FRMD4A: variants seen among roughly 807,000 people sequenced by gnomAD.
FRMD4A encodes the protein FERM domain containing 4A, also known as FERM domain-containing protein 4A.
Under a neutral mutation model 129.1 loss-of-function variants are expected in FRMD4A, and 29 were observed. The ratio of observed to expected loss-of-function variants is 0.22; its 90% CI spans 0.17 to 0.31. FRMD4A has a LOEUF of 0.31. Among genes scored for constraint, FRMD4A ranks in the 10% least tolerant of loss-of-function variants. The pLI is 1.00. For synonymous variants in FRMD4A, 634 were observed against 571.6 expected, an observed-to-expected ratio of 1.11 and a Z score of -1.56; for missense variants, 1,272 against 1,375.8, an observed-to-expected ratio of 0.92 and a Z score of 1.19.
intron 3 of FRMD4A, among the ~76,000 whole-genome samples, chr10:13,818,218 G>A (rs757446370): frequency 4.3e-5 from 6 of 139,524 alleles, no homozygotes; most frequent in Non-Finnish European, 7.7e-5. Context: ...AGGCTGGAGT[G>A]CAGTGGTGCC....
intron 2 of FRMD4A, among the ~76,000 whole-genome samples, chr10:13,863,568 T>A (rs2094322582): frequency 6.6e-6 from 1 of 152,094 alleles, no homozygotes. Flanking sequence ...CTACCCTGGG[T>A]GACAGAGTGT....
chr10:13,896,199 A>G (rs1445037663), intron 2 of FRMD4A, among the ~76,000 whole-genome samples: 2 of 152,238 alleles, frequency 1.3e-5, no homozygotes, highest in Non-Finnish European at 2.9e-5. Flanking sequence ...AAATCATTCT[A>G]CTATAAAGAC....
chr10:13,988,585 C>T (rs1264095376), intron 2 of FRMD4A, among the ~76,000 whole-genome samples: 1 of 152,006 alleles, frequency 6.6e-6, no homozygotes, highest in Non-Finnish European at 1.5e-5. Flanking sequence ...CAGATATCTA[C>T]ATATATACAT....
At chr10:13,936,842 A>AT (rs1230731653) in intron 2 of FRMD4A, among the ~76,000 whole-genome samples, 1 of 152,140 alleles carries the variant, frequency 6.6e-6, no homozygotes. Context: ...TTCTACATTG[A>AT]TTTTTTAAAA....
At chr10:13,977,535 T>A (rs991198571) in intron 2 of FRMD4A, among the ~76,000 whole-genome samples, 2 of 152,258 alleles carry the variant, frequency 1.3e-5, no homozygotes, top group Admixed American at 6.5e-5. Context: ...TTCAGTCATT[T>A]AAAATGTACA....
intron 2 of FRMD4A, among the ~76,000 whole-genome samples, chr10:14,120,578 C>T (rs2104551): frequency 0.012 from 1,797 of 152,280 alleles, 27 homozygotes; most frequent in African/African-American, 0.04. Flanking sequence ...GTGAGCTAAA[C>T]GTTTCCAGAG....
chr10:14,094,303 G>T (rs1002801418), intron 2 of FRMD4A, among the ~76,000 whole-genome samples: 1 of 152,212 alleles, frequency 6.6e-6, no homozygotes, highest in Non-Finnish European at 1.5e-5. Flanking sequence ...GAATGATGAG[G>T]CCTGTGCAGG....
chr10:14,125,353 C>T (rs78716113), intron 2 of FRMD4A, among the ~76,000 whole-genome samples: 1,702 of 152,222 alleles, frequency 0.011, 44 homozygotes, highest in African/African-American at 0.039. Flanking sequence ...GAAGGGGGTG[C>T]GTGTATCCCT....
chr10:13,776,870 G>A (rs1205695956), intron 6 of FRMD4A, among the ~76,000 whole-genome samples: 2 of 152,206 alleles, frequency 1.3e-5, no homozygotes, highest in Non-Finnish European at 2.9e-5. Flanking sequence ...AAAGCACCAG[G>A]GGGCTGTGTG....
chr10:13,786,127 G>A (rs987547643), intron 5 of FRMD4A, among the ~76,000 whole-genome samples: 1 of 152,062 alleles, frequency 6.6e-6, no homozygotes. Flanking sequence ...AATCCTTCAG[G>A]TATATACCCA....
intron 2 of FRMD4A, among the ~76,000 whole-genome samples, chr10:14,156,752 C>T (rs1840622155): frequency 6.6e-6 from 1 of 152,174 alleles, no homozygotes; most frequent in African/African-American, 2.4e-5. Context: ...TTAATGGGAA[C>T]CTTAGACGCT....
chr10:14,327,637 A>C (rs964107501), intron 2 of FRMD4A, among the ~76,000 whole-genome samples: 2 of 152,224 alleles, frequency 1.3e-5, no homozygotes, highest in Non-Finnish European at 2.9e-5. Flanking sequence ...TCTAAGCTGA[A>C]TGTAACCTCT....
chr10:13,927,551 A>G (rs935172731), intron 2 of FRMD4A, among the ~76,000 whole-genome samples: 1 of 152,230 alleles, frequency 6.6e-6, no homozygotes, highest in African/African-American at 2.4e-5. Flanking sequence ...CAAGTTCTAC[A>G]AGGAGCTGGG....
At chr10:13,927,899 G>C (rs1317632162) in intron 2 of FRMD4A, among the ~76,000 whole-genome samples, 2 of 152,060 alleles carry the variant, frequency 1.3e-5, no homozygotes, top group Non-Finnish European at 2.9e-5. Context: ...ATTATTTTTA[G>C]AGTCCATTTT....
chr10:13,957,100 A>G (rs1029715258), intron 2 of FRMD4A, among the ~76,000 whole-genome samples: 12 of 152,324 alleles, frequency 7.9e-5, no homozygotes, highest in African/African-American at 2.6e-4. Context: ...TTTATGAAGA[A>G]CAAGATCAGC....
intron 2 of FRMD4A, among the ~76,000 whole-genome samples, chr10:14,248,020 C>T (rs1008123895): frequency 6.6e-6 from 1 of 152,202 alleles, no homozygotes; most frequent in Non-Finnish European, 1.5e-5. Context: ...GTTCTCAAAC[C>T]TTCCTGCTGT....
rs2131323454 is a variant in FRMD4A, at chr10:13,946,803, T to G, written c.46-87891A>C. Among the ~76,000 whole-genome samples the G allele has an allele frequency of 1.3e-5, 2 of 152,104 alleles. 1 individual carries two copies. The highest frequency in any genetic ancestry group is 6.8e-3 in the Middle Eastern group (2 of 294). On this transcript the variant is annotated intron_variant, in intron 2 of 24. Coordinates refer to ENST00000357447, the MANE Select transcript of FRMD4A (RefSeq NM_018027.5). Reference sequence around the variant, plus strand: ...TTCTGTCTGTGTGTCTGTCTGTCTGTCTCCATGTGTCTATCTCTCGATGCC... The same window carrying G: ...TTCTGTCTGTGTGTCTGTCTGTCTGGCTCCATGTGTCTATCTCTCGATGCC...
At chr10:14,237,024 C>CAAAAAAAAAAAAAAAA (rs1843846854) in intron 2 of FRMD4A, among the ~76,000 whole-genome samples, 1 of 103,820 alleles carries the variant, frequency 9.6e-6, no homozygotes, top group African/African-American at 3.9e-5. Context: ...AAAAAAAAAT[C>CAAAAAAAAAAAAAAAA]GGTTTTTAAA....
At chr10:14,278,469 T>C (rs777437158) in intron 2 of FRMD4A, among the ~76,000 whole-genome samples, 12 of 152,228 alleles carry the variant, frequency 7.9e-5, no homozygotes, top group Non-Finnish European at 7.3e-5. Flanking sequence ...TAATTTAGCA[T>C]GAAAATTCAA....
Sources: gnomAD v4.1 joint callset for allele counts (sites outside exome capture counted in the v4.1 genomes callset) on GRCh38, gnomAD v4.1.1 for gene constraint, MANE v1.5 for transcripts, NCBI Gene and HGNC (gene_info 2026-07-23, HGNC 2026-07-21) for gene names.